The following MEGF6 variants were observed in gnomAD, a reference collection of about 807,000 sequenced individuals.
The protein encoded by MEGF6 is multiple EGF like domains 6.
MEGF6 carries 184 observed loss-of-function variants against 207.1 expected under a neutral mutation model. The ratio of observed to expected loss-of-function variants is 0.89; its 90% CI spans 0.79 to 1.00. The LOEUF (loss-of-function observed/expected upper bound fraction) is 1.00. Among genes scored for constraint, MEGF6 ranks in the 50% least tolerant of loss-of-function variants. MEGF6 has a pLI of 0.00. For synonymous variants in MEGF6, 1,038 were observed against 910.0 expected, an observed-to-expected ratio of 1.14 and a Z score of -2.53; for missense variants, 2,282 against 2,202.9, an observed-to-expected ratio of 1.04 and a Z score of -0.72.
At chr1:3,576,566 C>G (rs1004901801) in intron 4 of MEGF6, among the ~76,000 whole-genome samples, 1 of 152,006 alleles carries the variant, frequency 6.6e-6, no homozygotes, top group Non-Finnish European at 1.5e-5. Context: ...GGAGGAGGGA[C>G]AGGAAGGTGA....
At chr1:3,500,074 A>G (rs755394438) in intron 21 of MEGF6, 150 bp from the exon 22 acceptor site, 15 of 1,238,390 alleles carry the variant, frequency 1.2e-5, no homozygotes, top group African/African-American at 1.1e-4. Flanking sequence ...GCTCACTCAC[A>G]TGCTTCATCC....
chr1:3,552,050 C>A (rs577583202), intron 4 of MEGF6, among the ~76,000 whole-genome samples: 60 of 152,286 alleles, frequency 3.9e-4, no homozygotes, highest in African/African-American at 1.3e-3. Context: ...GGAGGGGACC[C>A]CTGCTCTGGA....
At chr1:3,581,498 G>A (rs943068846) in intron 3 of MEGF6, among the ~76,000 whole-genome samples, 1 of 152,222 alleles carries the variant, frequency 6.6e-6, no homozygotes, top group Non-Finnish European at 1.5e-5. Context: ...ATTCCCCAGG[G>A]ACCGGGGACC....
In MEGF6 at chr1:3,541,581, G is replaced by C. The variant is rs1436949989; in HGVS notation, c.482-17335C>G. On this transcript the variant is annotated intron_variant, in intron 4 of 36. Coordinates refer to ENST00000356575, the MANE Select transcript of MEGF6 (RefSeq NM_001409.4). The stretch of plus-strand genomic sequence containing the variant: ...TGCCCACTCGTTTCTCCCGTGCCTG[G>C]GCTCCGCGGGAGAGGCACAGCTGGC... Among the ~76,000 whole-genome samples the C allele has an allele frequency of 2.6e-5, 4 of 152,282 alleles. No homozygotes were observed. In the East Asian group the frequency reaches 7.7e-4, roughly 29 times the overall value.
At chr1:3,612,435 A>G (rs989080496), upstream of MEGF6, among the ~76,000 whole-genome samples, 1 of 152,190 alleles carries the variant, frequency 6.6e-6, no homozygotes, top group East Asian at 1.9e-4. Context: ...TCCAGGGGCC[A>G]GGACCAGGTA....
intron 4 of MEGF6, among the ~76,000 whole-genome samples, chr1:3,536,676 G>A (rs1346575095): frequency 6.6e-6 from 1 of 152,190 alleles, no homozygotes; most frequent in African/African-American, 2.4e-5. Flanking sequence ...CTGGGAATGT[G>A]TGTGTGTCAG....
chr1:3,497,362 C>A lies in MEGF6; in HGVS notation c.3353-1G>T. On this transcript the variant is annotated splice_acceptor_variant, in intron 26 of 36. Transcript: ENST00000356575. LOFTEE classifies it high-confidence loss of function. ...TCTCCAAACCAGCCCCGCAGGCAGG[C>A]TGCAGAAAGATGAGGGCTGCGGAGG... The A allele has an allele frequency of 6.5e-7, 1 of 1,541,750 alleles. No homozygotes were observed. The highest frequency in any genetic ancestry group is 1.2e-5 in the South Asian group (1 of 81,364).
At chr1:3,531,617 A>G (rs1237792707) in intron 4 of MEGF6, among the ~76,000 whole-genome samples, 6 of 151,826 alleles carry the variant, frequency 4.0e-5, no homozygotes, top group African/African-American at 1.5e-4. Context: ...ATAGGGACCT[A>G]GGCACAAACG....
chr1:3,494,070 T>G lies in MEGF6; in HGVS notation c.4184A>C (p.His1395Pro). The G allele has an allele frequency of 6.2e-7, 1 of 1,604,224 alleles. No homozygotes were observed. Residue 1395 changes from histidine (H) to proline (P), a missense_variant, in exon 33 of 37, where the codon CAT (histidine) becomes CCT (proline). His to Pro is a moderately conservative substitution (Grantham distance 77). Coordinates refer to ENST00000356575, the MANE Select transcript of MEGF6 (RefSeq NM_001409.4). ...ACTGATGGGGTCGCAGGGGGCTCCA[T>G]GTTGACACCAGCACAACCCCTGGCA... is the stretch of plus-strand genomic sequence containing the variant. ...AGCQGLCWCQ[H>P]GAPCDPISGR...
rs1194809935 is a variant in MEGF6 at position 3,493,838 on chromosome 1, T to C, written c.4320A>G (p.Ala1440=). The part of the protein sequence containing the change: ...CHQRCDCDGG[A]PCDPVTGLCL... ...AGAGACCGGTGACAGGGTCACAGGG[T>C]GCCCCCCCGTCACAGTCACAGCGCT... The change falls in exon 34 of 37, where the codon GCA becomes GCG. Residue 1440 remains alanine, a synonymous_variant. Transcript: ENST00000356575. 2.5e-6 allele frequency: 4 copies of C among 1,605,396 alleles called. No homozygotes were observed. In the South Asian group the frequency reaches 4.5e-5, roughly 18 times the overall value.
At chr1:3,545,811 T>C (rs1329902896) in intron 4 of MEGF6, among the ~76,000 whole-genome samples, 1 of 151,866 alleles carries the variant, frequency 6.6e-6, no homozygotes, top group African/African-American at 2.4e-5. Context: ...CAGAAGCTTC[T>C]CCCCTCCCCC....
chr1:3,510,835 C>T lies in MEGF6; in HGVS notation c.1182G>A (p.Glu394=). The change falls in exon 10 of 37, where the codon GAG becomes GAA. Residue 394 remains glutamate (E), a synonymous_variant. Coordinates refer to ENST00000356575, the MANE Select transcript of MEGF6 (RefSeq NM_001409.4). ...GCCGGTAGCCGGCGTAGCAGCCGCA[C>T]TCGTACCCGCCAGGGTTGTTGGTGC... is the stretch of plus-strand genomic sequence containing the variant. ...QVCTNNPGGY[E]CGCYAGYRLS... 2.5e-6 allele frequency: 4 copies of T among 1,611,096 alleles called. No homozygotes were observed. Among genetic ancestry groups the T allele is most frequent in the Admixed American group, 1.7e-5 (1 of 59,992 alleles).
chr1:3,493,014 C>A, intron 34 of MEGF6: 1 of 539,924 alleles, frequency 1.9e-6, no homozygotes, highest in East Asian at 3.0e-5. Flanking sequence ...CCCAGGCACA[C>A]GTCCAGAGTC....
chr1:3,586,055 G>A (rs1427188277), intron 3 of MEGF6, among the ~76,000 whole-genome samples: 2 of 150,390 alleles, frequency 1.3e-5, no homozygotes, highest in East Asian at 4.0e-4. Flanking sequence ...GTGTGGGTGT[G>A]AGTGTGGACA....
At chr1:3,505,852 T>A (rs1306204062) in intron 15 of MEGF6, among the ~76,000 whole-genome samples, 2 of 152,158 alleles carry the variant, frequency 1.3e-5, no homozygotes, top group Non-Finnish European at 2.9e-5. Flanking sequence ...TCTGCAGCCC[T>A]ACCACCCATC....
chr1:3,624,116 G>A, the MEGF6 span, among the ~76,000 whole-genome samples: 2 of 152,316 alleles, frequency 1.3e-5, no homozygotes, highest in East Asian at 1.9e-4. Flanking sequence ...CTCCTCGCCT[G>A]TGTGCACCTC....
chr1:3,596,403 C>T (rs946127206), intron 2 of MEGF6, among the ~76,000 whole-genome samples: 1 of 151,936 alleles, frequency 6.6e-6, no homozygotes, highest in Non-Finnish European at 1.5e-5. Flanking sequence ...CCACCAGCAC[C>T]GTGCAGTCCA....
intron 7 of MEGF6, 77 bp downstream of exon 7, chr1:3,514,473 T>C: frequency 6.7e-7 from 1 of 1,482,698 alleles, no homozygotes; most frequent in Non-Finnish European, 9.0e-7. Context: ...GCCCCAGAGT[T>C]AGACACGGGT....
intron 1 of MEGF6, among the ~76,000 whole-genome samples, chr1:3,607,514 TGCACACACG>T (rs1295338485): frequency 6.6e-6 from 1 of 152,148 alleles, no homozygotes; most frequent in Admixed American, 6.5e-5. Context: ...ACTTCAGCAC[TGCACACACG>T]GCCACAGCAC....
Sources: allele counts gnomAD v4.1 joint callset (sites outside exome capture counted in the v4.1 genomes callset), GRCh38; gene constraint gnomAD v4.1.1; transcripts MANE v1.5; gene names NCBI Gene and HGNC (gene_info 2026-07-23, HGNC 2026-07-21).